Variants in RDH12 observed in about 807,000 individuals in gnomAD.
RDH12 encodes retinol dehydrogenase 12.
A neutral mutation model predicts 34.0 loss-of-function variants in RDH12; 21 were observed. The ratio of observed to expected loss-of-function variants is 0.62; its 90% CI spans 0.44 to 0.89. RDH12 has a LOEUF of 0.89. Among genes scored for constraint, RDH12 ranks in the 40% least tolerant of loss-of-function variants. The pLI is 0.00. For missense variants in RDH12, 394 were observed against 398.6 expected (o/e 0.99, Z 0.10); for synonymous variants, 198 against 169.9 (o/e 1.17, Z -1.29).
In RDH12 at chr14:67,729,236, C is replaced by T; in HGVS notation, c.704C>T (p.Ser235Phe). 1 of 1,611,062 alleles carries T rather than the reference C, an allele frequency of 6.2e-7. No homozygotes were observed. The highest frequency in any genetic ancestry group is 1.1e-5 in the South Asian group (1 of 91,046). The change falls in exon 8 of 9, where the codon TCT (serine) becomes TTT (phenylalanine). Residue 235 changes from serine to phenylalanine, a missense_variant. Ser to Phe is a radical substitution (Grantham distance 155). Coordinates refer to ENST00000551171, the MANE Select transcript of RDH12 (RefSeq NM_152443.3). Reference protein sequence around the residue: ...TYAVHPGVVRSELVRHSSLLC... With the variant: ...TYAVHPGVVRFELVRHSSLLC... ...GCAGTGCACCCAGGCGTCGTCCGCT[C>T]TGAGCTGGTCCGGCACTCCTCCCTG...
chr14:67,724,141 C>T (rs2038156993), intron 3 of RDH12, among the ~76,000 whole-genome samples: 1 of 152,194 alleles, frequency 6.6e-6, no homozygotes, highest in South Asian at 2.1e-4. Flanking sequence ...GAAAGCTTTC[C>T]TCTGGAACCT....
At position 67,727,132 on chromosome 14, in the gene RDH12, T is replaced by C. The variant is rs535474444; in HGVS notation, c.600T>C (p.Tyr200=). 3 of 1,614,214 alleles carry C rather than the reference T, an allele frequency of 1.9e-6. No homozygotes were observed. The highest frequency in any genetic ancestry group is 2.2e-5 in the South Asian group (2 of 91,078). Residue 200 remains tyrosine, a synonymous_variant, in exon 7 of 9, where the codon TAT becomes TAC. Transcript: ENST00000551171. ...AGCGCTACAGCAGGGGTTTTGCCTA[T>C]TGCCACAGCAAGCTGGCCAATGTGC... The part of the protein sequence containing the change: ...SEKRYSRGFA[Y]CHSKLANVLF...
intron 1 of RDH12, among the ~76,000 whole-genome samples, chr14:67,715,523 AGTGCAGGCGTAAGGCCTGG>A (rs1181657801): frequency 5.9e-5 from 9 of 152,228 alleles, no homozygotes; most frequent in African/African-American, 2.2e-4. Flanking sequence ...ACCTCACCAC[AGTGCAGGCGTAAGGCCTGG>A]GCTTATTGGC....
At chr14:67,733,636 G>T in intron 8 of RDH12, 110 bp from the exon 9 acceptor site, 1 of 731,594 alleles carries the variant, frequency 1.4e-6, no homozygotes. Context: ...CTTTGAGTCT[G>T]GCATATATTG....
At chr14:67,716,973 T>C (rs1233437770) in intron 1 of RDH12, among the ~76,000 whole-genome samples, 2 of 152,132 alleles carry the variant, frequency 1.3e-5, no homozygotes, top group Non-Finnish European at 2.9e-5. Flanking sequence ...TTTTATCACA[T>C]ATATAAAACA....
chr14:67,703,366 G>C (rs2037920426), intron 1 of RDH12, among the ~76,000 whole-genome samples: 1 of 152,166 alleles, frequency 6.6e-6, no homozygotes, highest in African/African-American at 2.4e-5. Flanking sequence ...AATGAGTTTA[G>C]AGTTAGGTTT....
intron 1 of RDH12, among the ~76,000 whole-genome samples, chr14:67,713,747 T>C (rs1797351450): frequency 6.6e-6 from 1 of 152,204 alleles, no homozygotes; most frequent in African/African-American, 2.4e-5. Flanking sequence ...GTGTCCAGGA[T>C]GGTCAGAGCA....
intron 1 of RDH12, among the ~76,000 whole-genome samples, chr14:67,719,471 A>AT (rs1210252262): frequency 6.6e-6 from 1 of 151,606 alleles, no homozygotes; most frequent in Non-Finnish European, 1.5e-5. Flanking sequence ...AAGTTTATTT[A>AT]TTTTTTCTTT....
chr14:67,706,630 G>A (rs571796439), intron 1 of RDH12, among the ~76,000 whole-genome samples: 2 of 152,200 alleles, frequency 1.3e-5, no homozygotes, highest in East Asian at 1.9e-4. Flanking sequence ...AATCAGATAC[G>A]CATTTATCTT....
chr14:67,711,331 GA>G (rs2038007075), intron 1 of RDH12, among the ~76,000 whole-genome samples: 2 of 152,120 alleles, frequency 1.3e-5, no homozygotes, highest in African/African-American at 4.8e-5. Context: ...TAATAAGTAT[GA>G]AATTGCTTGA....
At position 67,729,273 on chromosome 14, in the gene RDH12, C is replaced by A. The variant is rs372991397; in HGVS notation, c.741C>A (p.Leu247=). The change falls in exon 8 of 9, where the codon CTC becomes CTA. Residue 247 remains leucine, a synonymous_variant. Transcript: ENST00000551171. ...GGCACTCCTCCCTGCTCTGCCTGCTCTGGCGGCTCTTCTCCCCCTTTGTCA... is the reference window on the plus strand; with the variant it reads ...GGCACTCCTCCCTGCTCTGCCTGCTATGGCGGCTCTTCTCCCCCTTTGTCA... ...LVRHSSLLCL[L]WRLFSPFVKT... is the part of the protein sequence containing the mutation. The A allele has an allele frequency of 6.2e-7, 1 of 1,606,732 alleles. No homozygotes were observed. The highest frequency in any genetic ancestry group is 8.5e-7 in the Non-Finnish European group (1 of 1,179,960).
intron 1 of RDH12, among the ~76,000 whole-genome samples, chr14:67,717,369 G>A (rs1309449507): frequency 6.6e-6 from 1 of 152,204 alleles, no homozygotes; most frequent in Non-Finnish European, 1.5e-5. Flanking sequence ...ACAGAATTAA[G>A]CTGGGAGAAG....
chr14:67,721,998 C>T (rs957695104), intron 2 of RDH12, among the ~76,000 whole-genome samples: 3 of 152,040 alleles, frequency 2.0e-5, no homozygotes, highest in African/African-American at 4.8e-5. Flanking sequence ...GTGCACAAGT[C>T]GAAAGCATAC....
chr14:67,730,632 T>C (rs889122936), intron 8 of RDH12, among the ~76,000 whole-genome samples: 1 of 152,202 alleles, frequency 6.6e-6, no homozygotes, highest in Non-Finnish European at 1.5e-5. Context: ...AGATGGATTT[T>C]CACTCTTGTC....
At chr14:67,704,067 G>A (rs897925252) in intron 1 of RDH12, among the ~76,000 whole-genome samples, 3 of 152,154 alleles carry the variant, frequency 2.0e-5, no homozygotes, top group Non-Finnish European at 4.4e-5. Flanking sequence ...TATGATCTCA[G>A]TAGTTCTATT....
intron 8 of RDH12, 29 bp downstream of exon 8, chr14:67,729,409 C>T: frequency 6.3e-7 from 1 of 1,590,138 alleles, no homozygotes; most frequent in Non-Finnish European, 8.5e-7. Flanking sequence ...GTTCTCTCCA[C>T]CACCTGTGTG....
At chr14:67,721,317 C>G (rs1281718611) in intron 2 of RDH12, among the ~76,000 whole-genome samples, 1 of 152,124 alleles carries the variant, frequency 6.6e-6, no homozygotes, top group Admixed American at 6.6e-5. Flanking sequence ...TCCAGAGGCA[C>G]GATCCTAGCT....
chr14:67,721,041 T>A (rs1301801904), intron 2 of RDH12, 139 bp downstream of exon 2: 1 of 152,242 alleles, frequency 6.6e-6, no homozygotes, highest in Non-Finnish European at 1.5e-5. Context: ...TCCTAGTATG[T>A]TGCACAATTC....
intron 2 of RDH12, among the ~76,000 whole-genome samples, chr14:67,721,189 C>A (rs1413224879): frequency 6.6e-6 from 1 of 152,172 alleles, no homozygotes. Flanking sequence ...AGGGACAGAA[C>A]TGGGAAATTA....
Sources: allele counts gnomAD v4.1 joint callset (sites outside exome capture counted in the v4.1 genomes callset), GRCh38; gene constraint gnomAD v4.1.1; transcripts MANE v1.5; gene names NCBI Gene and HGNC (gene_info 2026-07-23, HGNC 2026-07-21).